The following VGLL4 variants were observed in gnomAD, a reference collection of about 807,000 sequenced individuals.
The protein encoded by VGLL4 is transcription cofactor vestigial-like protein 4.
Under a neutral mutation model 21.0 loss-of-function variants are expected in VGLL4, and 7 were observed. That is an observed-to-expected ratio of 0.33 (90% confidence interval 0.19 to 0.63). The LOEUF (loss-of-function observed/expected upper bound fraction) is 0.63, where lower values mean the gene tolerates loss of function less well. Ranked by LOEUF, VGLL4 falls within the 20% of genes least tolerant of loss-of-function variation. The probability of loss-of-function intolerance (pLI) is 0.78; values close to 1 mark genes in which losing one functional copy is unlikely to be tolerated. For missense variants in VGLL4, 394 were observed against 425.7 expected, an observed-to-expected ratio of 0.93 and a Z score of 0.66; for synonymous variants, 222 against 173.2, an observed-to-expected ratio of 1.28 and a Z score of -2.21.
At chr3:11,637,514 G>C (rs2075611241) in intron 1 of VGLL4, among the ~76,000 whole-genome samples, 1 of 152,166 alleles carries the variant, frequency 6.6e-6, no homozygotes, top group Non-Finnish European at 1.5e-5. Flanking sequence ...ACACATTAAA[G>C]AGGACTTTTA....
At chr3:11,626,212 C>G (rs2075349701) in intron 1 of VGLL4, 2 of 374,284 alleles carry the variant, frequency 5.3e-6, no homozygotes, top group Non-Finnish European at 5.3e-6. Flanking sequence ...AGTCAAGCAA[C>G]TGTCACAACT....
chr3:11,608,823 A>C (rs2075001065), intron 1 of VGLL4, among the ~76,000 whole-genome samples: 1 of 152,148 alleles, frequency 6.6e-6, no homozygotes, highest in Non-Finnish European at 1.5e-5. Flanking sequence ...TTCACACAGA[A>C]CCTAACTCCA....
At chr3:11,571,118 C>T (rs922389260) in intron 2 of VGLL4, among the ~76,000 whole-genome samples, 3 of 152,176 alleles carry the variant, frequency 2.0e-5, no homozygotes, top group Non-Finnish European at 4.4e-5. Flanking sequence ...CAGGAAAAAG[C>T]TGGCAAAATA....
chr3:11,663,505 G>A (rs191663374), intron 2 of VGLL4, among the ~76,000 whole-genome samples: 26 of 152,312 alleles, frequency 1.7e-4, no homozygotes, highest in African/African-American at 5.1e-4. Flanking sequence ...AATCACCTGA[G>A]GTCAGGAGTT....
chr3:11,632,736 G>A (rs2075508389), intron 1 of VGLL4, among the ~76,000 whole-genome samples: 1 of 152,204 alleles, frequency 6.6e-6, no homozygotes, highest in South Asian at 2.1e-4. Flanking sequence ...TTCATAACCT[G>A]TAATTATCTT....
intron 2 of VGLL4, chr3:11,702,731 C>CAAAAAAAAAAAAAAAAAAAAA (rs370716518): frequency 7.7e-6 from 1 of 129,990 alleles, no homozygotes; most frequent in African/African-American, 4.0e-5. Context: ...GATCCCATCT[C>CAAAAAAAAAAAAAAAAAAAAA]AAAAAAAAAA....
Position 11,719,892 on chromosome 3 carries a change from G to A in VGLL4, c.-14+502C>T, listed in dbSNP as rs2076969968. Among the ~76,000 whole-genome samples the A allele has an allele frequency of 6.6e-6, 1 of 152,104 alleles. No homozygotes were observed. Among genetic ancestry groups the A allele is most frequent in the South Asian group, 2.1e-4 (1 of 4,832 alleles). On this transcript the variant is annotated intron_variant, in intron 1 of 5. Coordinates refer to the VGLL4 transcript ENST00000273038. This position sits in a 1 kb window ranked among gnomAD's most constrained non-coding sequence, Gnocchi z 4.0. ...TTGTCGGGGCGGGCGCTCCCGAGAG[G>A]CGCCAGCGGGCAGGGCGAGTGGACA...
At chr3:11,563,980 G>C (rs909338035) in intron 3 of VGLL4, among the ~76,000 whole-genome samples, 4 of 152,180 alleles carry the variant, frequency 2.6e-5, no homozygotes, top group African/African-American at 7.2e-5. Context: ...CAGGGACACA[G>C]AGGCTCTTGC....
intron 1 of VGLL4, 146 bp downstream of exon 1, chr3:11,643,291 C>T: frequency 7.9e-7 from 1 of 1,258,062 alleles, no homozygotes; most frequent in Non-Finnish European, 1.1e-6. Flanking sequence ...ACACTCGGTG[C>T]CGAACCGAAC....
At chr3:11,574,877 T>C (rs1269414799) in intron 2 of VGLL4, among the ~76,000 whole-genome samples, 1 of 145,690 alleles carries the variant, frequency 6.9e-6, no homozygotes, top group African/African-American at 2.5e-5. Flanking sequence ...CCAAATATGG[T>C]TCAGGAAGCC....
At position 11,719,200 on chromosome 3, in the gene VGLL4, T is replaced by A. The variant is rs1356487570; in HGVS notation, c.-14+1194A>T. On this transcript the variant is annotated intron_variant, in intron 1 of 5. Coordinates refer to the VGLL4 transcript ENST00000273038. This position sits in a 1 kb window ranked among gnomAD's most constrained non-coding sequence, Gnocchi z 4.0. The stretch of plus-strand genomic sequence containing the variant: ...CGCGGGGTGCCAGGCGCGGGCCTCC[T>A]CGCCCGCCCCGAGCCTCCGACTCCC... 6.6e-6 allele frequency among the ~76,000 whole-genome samples: 1 copy of A among 151,648 alleles called. No individual in the cohort carries two copies. The highest frequency in any genetic ancestry group is 2.1e-4 in the South Asian group (1 of 4,770).
intron 1 of VGLL4, among the ~76,000 whole-genome samples, chr3:11,708,929 G>T (rs1191352723): frequency 6.6e-6 from 1 of 152,052 alleles, no homozygotes; most frequent in Non-Finnish European, 1.5e-5. Context: ...AGGCATGGTG[G>T]TGATGGCACC....
chr3:11,558,835 C>A lies in VGLL4; in HGVS notation c.620-8G>T, dbSNP rs528761416. On this transcript the variant is annotated splice_region_variant and splice_polypyrimidine_tract_variant and intron_variant, in intron 4 of 4. Transcript: ENST00000430365. Reference sequence around the variant, plus strand: ...GGTCACAGGTGGTGGCAGCTGCAGGCAAGCAGGAAGGCAGGCAGTCAGACA... The same window carrying A: ...GGTCACAGGTGGTGGCAGCTGCAGGAAAGCAGGAAGGCAGGCAGTCAGACA... The A allele has an allele frequency of 1.4e-5, 22 of 1,609,120 alleles. No homozygotes were observed. In the African/African-American group the frequency reaches 2.8e-4, roughly 20 times the overall value.
intron 3 of VGLL4, among the ~76,000 whole-genome samples, chr3:11,560,276 G>C (rs755777001): frequency 6.6e-6 from 1 of 152,150 alleles, no homozygotes. Context: ...GCTTTGGTGT[G>C]GAACCTGGGA....
intron 1 of VGLL4, among the ~76,000 whole-genome samples, chr3:11,613,579 A>C (rs548107904): frequency 6.6e-6 from 1 of 152,136 alleles, no homozygotes; most frequent in East Asian, 1.9e-4. Context: ...GGAGCAGCTC[A>C]TTCATTTCTG....
At position 11,687,077 on chromosome 3, in the gene VGLL4, T is replaced by C. The variant is rs888567976; in HGVS notation, c.64+15894A>G. Among the ~76,000 whole-genome samples, 11 of 152,328 alleles carry C rather than the reference T, an allele frequency of 7.2e-5. No individual in the cohort carries two copies. In the East Asian group the frequency reaches 2.1e-3, roughly 29 times the overall value. On this transcript the variant is annotated intron_variant, in intron 2 of 5. Transcript: ENST00000273038. ...TGCTGTAATTATCCCTATGTCAGTA[T>C]TATCCCATTCCAACTACTTCATAGC... is the stretch of plus-strand genomic sequence containing the variant.
chr3:11,581,840 C>T (rs761838993), intron 2 of VGLL4, among the ~76,000 whole-genome samples: 5 of 152,208 alleles, frequency 3.3e-5, no homozygotes, highest in African/African-American at 4.8e-5. Context: ...GGCAGCTGGA[C>T]TGAGTGGGAA....
chr3:11,569,397 G>GA (rs1225051502), intron 2 of VGLL4, among the ~76,000 whole-genome samples: 5 of 152,214 alleles, frequency 3.3e-5, no homozygotes, highest in Non-Finnish European at 5.9e-5. Flanking sequence ...CCCACCCAGT[G>GA]AAAGAGATGA....
chr3:11,705,210 C>A (rs1272186859), intron 1 of VGLL4, among the ~76,000 whole-genome samples: 1 of 152,214 alleles, frequency 6.6e-6, no homozygotes, highest in Non-Finnish European at 1.5e-5. Context: ...CCTGGCCGCA[C>A]CACGTGGAAC....
Sources: allele counts gnomAD v4.1 joint callset (sites outside exome capture counted in the v4.1 genomes callset), GRCh38; gene constraint gnomAD v4.1.1; non-coding constraint Gnocchi (gnomAD v3.1); transcripts MANE v1.5; gene names NCBI Gene and HGNC (gene_info 2026-07-23, HGNC 2026-07-21).